Variants in NAA35 observed in about 807,000 individuals in gnomAD.
NAA35 encodes N-alpha-acetyltransferase 35, NatC auxiliary subunit, also known as MAK10 homolog, amino-acid N-acetyltransferase subunit.
In NAA35, 18 loss-of-function variants were observed where a neutral mutation model predicts 101.7. The observed-to-expected ratio is 0.18, with a 90% CI of 0.12 to 0.26. The LOEUF is 0.26. Among genes scored for constraint, NAA35 ranks in the 10% least tolerant of loss-of-function variants. The pLI is 1.00. For synonymous variants in NAA35, 267 were observed against 273.1 expected, an observed-to-expected ratio of 0.98 and a Z score of 0.22; for missense variants, 601 against 886.8, an observed-to-expected ratio of 0.68 and a Z score of 4.09.
At chr9:85,972,853 A>G (rs998237183) in intron 6 of NAA35, among the ~76,000 whole-genome samples, 4 of 152,202 alleles carry the variant, frequency 2.6e-5, no homozygotes, top group Admixed American at 6.5e-5. Flanking sequence ...CCTATAGGTG[A>G]AGTAGTAAAT....
chr9:86,012,863 A>G (rs1832015286), intron 15 of NAA35, among the ~76,000 whole-genome samples, 183 bp from the exon 16 acceptor site: 1 of 152,218 alleles, frequency 6.6e-6, no homozygotes, highest in African/African-American at 2.4e-5. Flanking sequence ...CCAGTTATTG[A>G]TAAATTCTGG....
chr9:85,958,669 C>T (rs1829379413), intron 4 of NAA35, 83 bp downstream of exon 4: 11 of 832,738 alleles, frequency 1.3e-5, no homozygotes, highest in South Asian at 1.9e-5. Context: ...TGAAATGAAA[C>T]GTTGTATTAA....
intron 11 of NAA35, among the ~76,000 whole-genome samples, chr9:85,988,654 G>A (rs1328556852): frequency 1.3e-5 from 2 of 152,066 alleles, no homozygotes; most frequent in Non-Finnish European, 2.9e-5. Context: ...TACAAAATTA[G>A]CTGTGGTGGT....
intron 11 of NAA35, among the ~76,000 whole-genome samples, chr9:85,984,893 GA>G (rs1411945820): frequency 2.6e-5 from 4 of 152,128 alleles, no homozygotes; most frequent in African/African-American, 7.2e-5. Context: ...ATGGATCAGT[GA>G]CTTAAATGTG....
Position 85,992,182 on chromosome 9 carries a change from A to AT in NAA35, c.878-4217_878-4216insT, listed in dbSNP as rs528704515. On this transcript the variant is annotated intron_variant, in intron 11 of 22. Coordinates refer to ENST00000361671, the MANE Select transcript of NAA35 (RefSeq NM_024635.4). ...GAGCAAGACTCCGTCTCAAAAAAAAAAAAATAATAAAAAATAAATGAATAA... is the reference window on the plus strand; with the variant it reads ...GAGCAAGACTCCGTCTCAAAAAAAAATAAAATAATAAAAAATAAATGAATAA... Among the ~76,000 whole-genome samples the AT allele has an allele frequency of 4.8e-3, 714 of 148,758 alleles. 7 individuals are homozygous for AT. The highest frequency in any genetic ancestry group is 0.018 in the African/African-American group (686 of 38,846).
intron 11 of NAA35, among the ~76,000 whole-genome samples, chr9:85,988,791 C>T (rs1014499358): frequency 4.1e-5 from 6 of 147,782 alleles, no homozygotes; most frequent in African/African-American, 1.5e-4. Flanking sequence ...AGTGAAACTC[C>T]GTCTCGAAAA....
In NAA35 at chr9:85,955,347, TATATATATATATA is replaced by T. The variant is rs1360258518; in HGVS notation, c.125-1012_125-1000del. Among the ~76,000 whole-genome samples, 101 of 77,524 alleles carry T rather than the reference TATATATATATATA, an allele frequency of 1.3e-3. 1 individual carries two copies. Among genetic ancestry groups the T allele is most frequent in the Middle Eastern group, 5.6e-3 (1 of 180 alleles). 50.9% of individuals were successfully genotyped at this position (77,524 alleles called of 152,430 possible). A position where few individuals can be genotyped will look rare whatever the true frequency, so the allele number is the denominator to read the frequency against. ...ATATACATATATATATATATATATA[TATATATATATATA>T]TTTTTTTTTTTTTTTTTCTTCAGAC... On this transcript the variant is annotated intron_variant, in intron 2 of 22. Coordinates refer to ENST00000361671, the MANE Select transcript of NAA35 (RefSeq NM_024635.4).
In NAA35 at chr9:86,024,864, T is replaced by C. The variant is rs1196250908; in HGVS notation, c.*2904T>C. Among the ~76,000 whole-genome samples the C allele has an allele frequency of 6.6e-6, 1 of 152,064 alleles. No individual in the cohort carries two copies. Among genetic ancestry groups the C allele is most frequent in the African/African-American group, 2.4e-5 (1 of 41,388 alleles). On this transcript the variant is annotated 3_prime_UTR_variant, in exon 23 of 23. Transcript: ENST00000361671. The stretch of plus-strand genomic sequence containing the variant: ...GGAGATGAACTGAGGACTCAGTAAC[T>C]ATAGTCACTGTAATTTTCTGGGGGT...
intron 11 of NAA35, among the ~76,000 whole-genome samples, chr9:85,992,171 C>T (rs1382731954): frequency 8.2e-5 from 1 of 12,262 alleles, no homozygotes; most frequent in Non-Finnish European, 1.8e-4. Context: ...AAGACTCCGT[C>T]TCAAAAAAAA....
chr9:85,988,835 A>G (rs1246262412), intron 11 of NAA35, among the ~76,000 whole-genome samples: 3 of 152,176 alleles, frequency 2.0e-5, no homozygotes, highest in Admixed American at 6.5e-5. Context: ...GATTGAGGAA[A>G]AAACTAAGCG....
Position 85,941,193 on chromosome 9 carries a change from G to GGGCGGCGGCGGCCGA in NAA35, c.-78_-64dup. On this transcript the variant is annotated 5_prime_UTR_variant, in exon 1 of 23. Transcript: ENST00000361671. Reference sequence around the variant, plus strand: ...GGTCGGGCTGGGCTGAGAGGGGAGGGGGCGGCGGCGGCCGAGGCGGCGTCG... The same window carrying GGGCGGCGGCGGCCGA: ...GGTCGGGCTGGGCTGAGAGGGGAGGGGGCGGCGGCGGCCGAGGCGGCGGCGGCCGAGGCGGCGTCG... The GGGCGGCGGCGGCCGA allele has an allele frequency of 1.0e-6, 1 of 987,032 alleles. No homozygotes were observed. Among genetic ancestry groups the GGGCGGCGGCGGCCGA allele is most frequent in the African/African-American group, 1.7e-5 (1 of 57,374 alleles). The allele number at this position is 987,032 out of a possible 1,614,324, so 61.1% of individuals were successfully genotyped here.
intron 3 of NAA35, 56 bp downstream of exon 3, chr9:85,956,449 T>C (rs1163361458): frequency 3.0e-5 from 33 of 1,084,058 alleles, no homozygotes; most frequent in Middle Eastern, 2.3e-4. Flanking sequence ...TGTTTTTTTT[T>C]CCTCATGTGG....
rs1829376019 is a variant in NAA35 at position 85,958,604 on chromosome 9, T to C, written c.273+18T>C. On this transcript the variant is annotated intron_variant, in intron 4 of 22. Coordinates refer to ENST00000361671, the MANE Select transcript of NAA35 (RefSeq NM_024635.4). ...CTATCAAGGTAGTTACCATTGTACT[T>C]TTTGTGTTTCCATTTATCTTTTGTT... is the stretch of plus-strand genomic sequence containing the variant. The C allele has an allele frequency of 1.3e-6, 2 of 1,521,392 alleles. No homozygotes were observed. Among genetic ancestry groups the C allele is most frequent in the African/African-American group, 2.8e-5 (2 of 72,382 alleles). 94.2% of individuals were successfully genotyped at this position (1,521,392 alleles called of 1,614,324 possible). A position where few individuals can be genotyped will look rare whatever the true frequency, so the allele number is the denominator to read the frequency against.
At chr9:85,997,263 A>G (rs1831203065) in intron 12 of NAA35, among the ~76,000 whole-genome samples, 1 of 151,638 alleles carries the variant, frequency 6.6e-6, no homozygotes, top group Non-Finnish European at 1.5e-5. Flanking sequence ...CGCTCTGCCT[A>G]GCCTTGAACT....
At chr9:85,955,245 A>G (rs1459846928) in intron 2 of NAA35, among the ~76,000 whole-genome samples, 1 of 148,572 alleles carries the variant, frequency 6.7e-6, no homozygotes. Context: ...ATATTATTTA[A>G]CTTACAGTTG....
At chr9:85,981,251 T>C (rs1401038811) in intron 11 of NAA35, among the ~76,000 whole-genome samples, 1 of 152,176 alleles carries the variant, frequency 6.6e-6, no homozygotes, top group Non-Finnish European at 1.5e-5. Flanking sequence ...TAGTAGTACA[T>C]GTTTACAGAG....
In NAA35 at chr9:85,977,496, G is replaced by A; in HGVS notation, c.762+50G>A. 2 of 1,310,656 alleles carry A rather than the reference G, an allele frequency of 1.5e-6. 1 individual carries two copies. The highest frequency in any genetic ancestry group is 2.4e-5 in the South Asian group (2 of 84,700). 81.2% of individuals were successfully genotyped at this position (1,310,656 alleles called of 1,614,324 possible). On this transcript the variant is annotated intron_variant, in intron 10 of 22. Coordinates refer to ENST00000361671, the MANE Select transcript of NAA35 (RefSeq NM_024635.4). ...CTATTTGTTTTAGTGATTTTGGCTG[G>A]AATTCCTGAGTGAAGCAGTTCTGAA... is the stretch of plus-strand genomic sequence containing the variant.
chr9:85,953,329 C>G (rs7869297), intron 2 of NAA35, among the ~76,000 whole-genome samples: 6,726 of 151,374 alleles, frequency 0.044, 482 homozygotes, highest in African/African-American at 0.15. Context: ...ATATCCAGGA[C>G]TCTTATCTTG....
rs10121949 is a variant in NAA35 at position 85,961,987 on chromosome 9, A to G, written c.349-26A>G. ...TTGCAGACTCAGTTTATCACCTTAA[A>G]TATATACTCTTTTGTTTCTTTATAG... is the stretch of plus-strand genomic sequence containing the variant. On this transcript the variant is annotated intron_variant, in intron 5 of 22. Coordinates refer to ENST00000361671, the MANE Select transcript of NAA35 (RefSeq NM_024635.4). The G allele has an allele frequency of 7.6e-4, 1,202 of 1,578,268 alleles. 9 individuals carry two copies. In the African/African-American group the frequency reaches 0.014, roughly 19 times the overall value.
Sources: allele counts gnomAD v4.1 joint callset (sites outside exome capture counted in the v4.1 genomes callset), GRCh38; gene constraint gnomAD v4.1.1; transcripts MANE v1.5; gene names NCBI Gene and HGNC (gene_info 2026-07-23, HGNC 2026-07-21).